BANP: variants seen among roughly 807,000 people sequenced by gnomAD.
The protein encoded by BANP is BTG3 associated nuclear protein.
A neutral mutation model predicts 68.1 loss-of-function variants in BANP; 11 were observed. The observed-to-expected ratio is 0.16, with a 90% CI of 0.10 to 0.27. The LOEUF is 0.27. Among genes scored for constraint, BANP ranks in the 10% least tolerant of loss-of-function variants. The probability of loss-of-function intolerance (pLI) is 1.00; values close to 1 mark genes in which losing one functional copy is unlikely to be tolerated. For synonymous variants in BANP, 329 were observed against 303.2 expected (o/e 1.09, Z -0.88); for missense variants, 504 against 722.7 (o/e 0.70, Z 3.47).
At chr16:88,008,416 C>T (rs558853212) in intron 6 of BANP, among the ~76,000 whole-genome samples, 2 of 152,120 alleles carry the variant, frequency 1.3e-5, no homozygotes, top group Non-Finnish European at 2.9e-5. Flanking sequence ...ATTGCAGTAA[C>T]GACAGACTAA....
intron 7 of BANP, among the ~76,000 whole-genome samples, chr16:88,026,068 G>A (rs2076925420): frequency 6.6e-6 from 1 of 152,158 alleles, no homozygotes; most frequent in Non-Finnish European, 1.5e-5. Flanking sequence ...CGTGGCCTTC[G>A]GATCCTCAGT....
chr16:87,986,503 C>T (rs2064459889), intron 4 of BANP, among the ~76,000 whole-genome samples: 1 of 152,178 alleles, frequency 6.6e-6, no homozygotes, highest in Non-Finnish European at 1.5e-5. Flanking sequence ...GTCACAGTTG[C>T]CCTGACAGAC....
intron 11 of BANP, among the ~76,000 whole-genome samples, chr16:88,038,317 G>A (rs1377930167): frequency 6.6e-6 from 1 of 152,180 alleles, no homozygotes; most frequent in East Asian, 1.9e-4. Flanking sequence ...AGGGTGCAAA[G>A]GCCTCTCAGT....
rs1357422710 is a variant in BANP at position 87,951,502 on chromosome 16, C to G, written c.-82C>G. On this transcript the variant is annotated 5_prime_UTR_variant, in exon 1 of 14. Transcript: ENST00000682872. ...CTCCCCGACAAACACCACGAGAATT[C>G]CGCAGCCCACACGGTAATTGCAGCT... The G allele has an allele frequency of 6.5e-6, 1 of 152,792 alleles. No homozygotes were observed. Among genetic ancestry groups the G allele is most frequent in the African/African-American group, 2.4e-5 (1 of 41,406 alleles). 9.5% of individuals were successfully genotyped at this position (152,792 alleles called of 1,614,324 possible).
chr16:88,006,373 G>C (rs8055024), intron 6 of BANP, 108 bp downstream of exon 6: 317,059 of 1,332,588 alleles, frequency 0.24, 40,171 homozygotes, highest in South Asian at 0.35. Flanking sequence ...GTGGCCAGGC[G>C]CGGTGGCTCA....
intron 7 of BANP, among the ~76,000 whole-genome samples, chr16:88,021,304 C>T (rs1177408211): frequency 6.6e-6 from 1 of 152,192 alleles, no homozygotes; most frequent in African/African-American, 2.4e-5. Flanking sequence ...CCGCTAGCAC[C>T]GTCATTCTGC....
chr16:87,985,309 G>A (rs2064140088), intron 4 of BANP, among the ~76,000 whole-genome samples: 1 of 152,228 alleles, frequency 6.6e-6, no homozygotes, highest in African/African-American at 2.4e-5. Context: ...TGGTGGAGTT[G>A]GCATCTCAGT....
intron 11 of BANP, among the ~76,000 whole-genome samples, chr16:88,050,555 G>C (rs2083016429): frequency 6.6e-6 from 1 of 152,216 alleles, no homozygotes; most frequent in South Asian, 2.1e-4. Flanking sequence ...AAGTGGCGTT[G>C]CAGCCCACAG....
At chr16:88,037,301 A>T (rs1457216962) in intron 10 of BANP, 1 of 152,238 alleles carries the variant, frequency 6.6e-6, no homozygotes, top group Non-Finnish European at 1.5e-5. Flanking sequence ...TTCGTTTTCA[A>T]TAGGAATTGA....
At chr16:88,005,161 G>C (rs540744358) in intron 5 of BANP, among the ~76,000 whole-genome samples, 1 of 152,288 alleles carries the variant, frequency 6.6e-6, no homozygotes, top group African/African-American at 2.4e-5. Flanking sequence ...GGTCTGATAC[G>C]TGGGGTGAAG....
intron 11 of BANP, among the ~76,000 whole-genome samples, chr16:88,045,431 G>T (rs2081783527): frequency 1.3e-5 from 2 of 152,258 alleles, no homozygotes; most frequent in East Asian, 3.8e-4. Flanking sequence ...AGTTGCAGCT[G>T]GGCTGTGCTA....
intron 6 of BANP, among the ~76,000 whole-genome samples, chr16:88,006,966 A>G (rs2071391993): frequency 1.3e-5 from 2 of 151,956 alleles, no homozygotes; most frequent in African/African-American, 4.8e-5. Flanking sequence ...AAAAAAAAAA[A>G]AAAAGATAGT....
chr16:87,975,225 T>G (rs1567631188), intron 2 of BANP, 40 bp downstream of exon 2: 1 of 1,604,822 alleles, frequency 6.2e-7, no homozygotes, highest in East Asian at 2.2e-5. Flanking sequence ...ATTATTCTCT[T>G]TATTCTTCAA....
intron 4 of BANP, among the ~76,000 whole-genome samples, chr16:87,987,781 T>C (rs1457047056): frequency 6.6e-6 from 1 of 150,602 alleles, no homozygotes; most frequent in Non-Finnish European, 1.5e-5. Flanking sequence ...GTAAGTTCTT[T>C]TTAAAAGGCA....
intron 3 of BANP, among the ~76,000 whole-genome samples, chr16:87,983,745 A>G (rs958666295): frequency 6.6e-6 from 1 of 152,132 alleles, no homozygotes; most frequent in Non-Finnish European, 1.5e-5. Context: ...TTATGTGTAA[A>G]TTTACTGATT....
intron 1 of BANP, among the ~76,000 whole-genome samples, chr16:87,964,410 T>G (rs1026952628): frequency 2.6e-5 from 4 of 152,224 alleles, no homozygotes; most frequent in African/African-American, 9.6e-5. Context: ...GAAAGGCTGC[T>G]GTGCACGTCA....
intron 11 of BANP, among the ~76,000 whole-genome samples, chr16:88,045,576 G>A (rs2081833700): frequency 6.6e-6 from 1 of 152,154 alleles, no homozygotes; most frequent in South Asian, 2.1e-4. Context: ...GCAGAGAAGC[G>A]CTCCCCTCAC....
chr16:87,982,989 C>T lies in BANP; in HGVS notation c.163-1071C>T, dbSNP rs140536083. 8.2e-3 allele frequency among the ~76,000 whole-genome samples: 1,249 copies of T among 152,322 alleles called. 14 individuals are homozygous for T. The highest frequency in any genetic ancestry group is 0.027 in the African/African-American group (1,141 of 41,562). On this transcript the variant is annotated intron_variant, in intron 3 of 13. Coordinates refer to ENST00000682872, the MANE Select transcript of BANP (RefSeq NM_001386991.1). Reference sequence around the variant, plus strand: ...CTCCCGCTCCCCTGTCAATGTGGGCCGGCCTCCCGCTCCCCTGTGCTGCGA... The same window carrying T: ...CTCCCGCTCCCCTGTCAATGTGGGCTGGCCTCCCGCTCCCCTGTGCTGCGA...
chr16:88,033,160 C>G lies in BANP; in HGVS notation c.1115C>G (p.Pro372Arg), dbSNP rs201270619. 4 of 1,610,874 alleles carry G rather than the reference C, an allele frequency of 2.5e-6. No homozygotes were observed. Among genetic ancestry groups the G allele is most frequent in the African/African-American group, 1.3e-5 (1 of 75,008 alleles). Reference protein sequence around the residue: ...PPASELPQPQPQPQALHYALA... With the variant: ...PPASELPQPQRQPQALHYALA... ...GCCAGCGAGCTCCCGCAGCCACAGC[C>G]GCAGCCGCAGGCCCTGCACTACGCG... The change falls in exon 9 of 14, where the codon CCG (proline) becomes CGG (arginine). Residue 372 changes from proline (P) to arginine (R), a missense_variant. By Grantham distance (103) the Pro-to-Arg change is moderately radical. Coordinates refer to ENST00000682872, the MANE Select transcript of BANP (RefSeq NM_001386991.1).
Sources: gnomAD v4.1 joint callset for allele counts (sites outside exome capture counted in the v4.1 genomes callset) on GRCh38, gnomAD v4.1.1 for gene constraint, MANE v1.5 for transcripts, NCBI Gene and HGNC (gene_info 2026-07-23, HGNC 2026-07-21) for gene names.